Variants in TPD52 observed in about 807,000 individuals in gnomAD.
TPD52 encodes tumor protein D52.
TPD52 carries 17 observed loss-of-function variants against 31.3 expected under a neutral mutation model. The observed-to-expected ratio is 0.54, with a 90% CI of 0.37 to 0.82. TPD52 has a LOEUF of 0.82. Ranked by LOEUF, TPD52 falls within the 40% of genes least tolerant of loss-of-function variation. TPD52 has a pLI of 0.00. For synonymous variants in TPD52, 83 were observed against 89.6 expected, an observed-to-expected ratio of 0.93 and a Z score of 0.42; for missense variants, 212 against 240.1, an observed-to-expected ratio of 0.88 and a Z score of 0.77.
chr8:80,158,905 C>G (rs1811157395), intron 1 of TPD52: 1 of 137,902 alleles, frequency 7.3e-6, no homozygotes, highest in African/African-American at 2.7e-5. Context: ...GATCCCGCCA[C>G]TGCACTCCAG....
intron 1 of TPD52, among the ~76,000 whole-genome samples, chr8:80,098,707 T>C (rs756434809): frequency 2.0e-5 from 3 of 152,234 alleles, no homozygotes; most frequent in Non-Finnish European, 4.4e-5. Context: ...ATTTAGAATA[T>C]TACATAAACT....
intron 1 of TPD52, among the ~76,000 whole-genome samples, chr8:80,124,586 G>A (rs1808474546): frequency 6.6e-6 from 1 of 152,126 alleles, no homozygotes; most frequent in Non-Finnish European, 1.5e-5. Flanking sequence ...AGTTTAATTA[G>A]CAATTTTCTA....
chr8:80,114,743 T>C (rs1225792790), intron 1 of TPD52, among the ~76,000 whole-genome samples: 1 of 152,212 alleles, frequency 6.6e-6, no homozygotes, highest in Non-Finnish European at 1.5e-5. Flanking sequence ...TCTGGCTGCC[T>C]TGCCTATACC....
At chr8:80,059,384 T>G (rs1463410286) in intron 2 of TPD52, among the ~76,000 whole-genome samples, 1 of 151,058 alleles carries the variant, frequency 6.6e-6, no homozygotes, top group African/African-American at 2.4e-5. Context: ...CCTTAAGGAA[T>G]TAGAGAAAAA....
intron 1 of TPD52, among the ~76,000 whole-genome samples, chr8:80,093,601 AC>A (rs1309877509): frequency 6.6e-6 from 1 of 152,212 alleles, no homozygotes; most frequent in East Asian, 1.9e-4. Flanking sequence ...GCAAGCTGAG[AC>A]CTAACAAACA....
intron 1 of TPD52, among the ~76,000 whole-genome samples, chr8:80,074,276 T>A (rs542206208): frequency 2.0e-5 from 3 of 152,286 alleles, no homozygotes; most frequent in African/African-American, 7.2e-5. Flanking sequence ...AAAAAGAGAT[T>A]TAAACATATA....
intron 1 of TPD52, among the ~76,000 whole-genome samples, chr8:80,167,545 G>A (rs1176617846): frequency 6.6e-6 from 1 of 152,194 alleles, no homozygotes; most frequent in Admixed American, 6.5e-5. Context: ...TGGAAATCAC[G>A]AAACTGTTGA....
At chr8:80,158,119 A>G (rs1811094934) in intron 1 of TPD52, among the ~76,000 whole-genome samples, 1 of 152,082 alleles carries the variant, frequency 6.6e-6, no homozygotes, top group Non-Finnish European at 1.5e-5. Flanking sequence ...AATTCCCATC[A>G]CTTAATCCAA....
intron 6 of TPD52, 138 bp from the exon 7 acceptor site, chr8:80,042,806 CAGGT>C: frequency 1.6e-6 from 1 of 643,130 alleles, no homozygotes; most frequent in Non-Finnish European, 2.5e-6. Flanking sequence ...CATATATGTG[CAGGT>C]ACATACAAGT....
intron 1 of TPD52, among the ~76,000 whole-genome samples, chr8:80,072,352 T>TGTGTATATACATGTACACATAGATATGC (rs1813932194): frequency 6.6e-6 from 1 of 151,626 alleles, no homozygotes; most frequent in Non-Finnish European, 1.5e-5. Flanking sequence ...TGTGTGTATG[T>TGTGTATATACATGTACACATAGATATGC]GTGTATATAC....
At chr8:80,134,699 C>T (rs1056912553) in intron 1 of TPD52, among the ~76,000 whole-genome samples, 1 of 152,190 alleles carries the variant, frequency 6.6e-6, no homozygotes, top group Non-Finnish European at 1.5e-5. Flanking sequence ...GGAACTGAGG[C>T]CTCCTGCCAG....
intron 6 of TPD52, 106 bp downstream of exon 6, chr8:80,044,061 T>C: frequency 1.0e-6 from 1 of 965,530 alleles, no homozygotes; most frequent in African/African-American, 1.7e-5. Context: ...CACAGCTTGT[T>C]TCAAGGGGAA....
Position 80,154,141 on chromosome 8 carries a change from C to T in TPD52, c.19+17284G>A, listed in dbSNP as rs537700273. On this transcript the variant is annotated intron_variant, in intron 1 of 7. Transcript: ENST00000518937. ...GTAGGAGTGTTGGTGGGAAAATGAA[C>T]ACACCTTTAAAATTCTAAAAAATAA... 3.9e-5 allele frequency among the ~76,000 whole-genome samples: 6 copies of T among 152,304 alleles called. No individual in the cohort carries two copies. In the South Asian group the frequency reaches 1.0e-3, roughly 26 times the overall value.
At chr8:80,038,805 G>A (rs1460956268) in intron 7 of TPD52, among the ~76,000 whole-genome samples, 1 of 152,120 alleles carries the variant, frequency 6.6e-6, no homozygotes, top group Admixed American at 6.5e-5. Context: ...CTACAGAATT[G>A]AAATCAACAC....
chr8:80,130,754 G>A (rs1034296380), intron 1 of TPD52, among the ~76,000 whole-genome samples: 2 of 152,090 alleles, frequency 1.3e-5, no homozygotes, highest in Non-Finnish European at 2.9e-5. Flanking sequence ...CAACTCACCA[G>A]GAATATAAAT....
chr8:80,143,886 T>C (rs773223063), intron 1 of TPD52, among the ~76,000 whole-genome samples: 4 of 152,222 alleles, frequency 2.6e-5, no homozygotes, highest in African/African-American at 7.2e-5. Context: ...AAAAATGCCA[T>C]TTATGTTCTT....
chr8:80,040,080 C>A (rs1382651048), intron 7 of TPD52, among the ~76,000 whole-genome samples: 2 of 151,792 alleles, frequency 1.3e-5, no homozygotes, highest in African/African-American at 2.4e-5. Context: ...TCTAAATGGA[C>A]CTCATGTTTA....
At chr8:80,141,306 C>T (rs1030496045) in intron 1 of TPD52, among the ~76,000 whole-genome samples, 5 of 152,214 alleles carry the variant, frequency 3.3e-5, no homozygotes, top group African/African-American at 1.2e-4. Flanking sequence ...ATTCACACCT[C>T]TGGGTAGGCC....
intron 1 of TPD52, among the ~76,000 whole-genome samples, chr8:80,100,393 CA>C (rs1363958963): frequency 2.0e-5 from 3 of 152,182 alleles, no homozygotes; most frequent in African/African-American, 4.8e-5. Context: ...TATGAACAAG[CA>C]GACAAAGAGA....
Sources: gnomAD v4.1 joint callset for allele counts (sites outside exome capture counted in the v4.1 genomes callset) on GRCh38, gnomAD v4.1.1 for gene constraint, MANE v1.5 for transcripts, NCBI Gene and HGNC (gene_info 2026-07-23, HGNC 2026-07-21) for gene names.